Variants in MYBPC1 observed in about 807,000 individuals in gnomAD.
The protein encoded by MYBPC1 is myosin-binding protein C, slow-type.
In MYBPC1, 52 loss-of-function variants were observed where a neutral mutation model predicts 147.1. That is an observed-to-expected ratio of 0.35 (90% confidence interval 0.28 to 0.45). MYBPC1 has a LOEUF of 0.45. MYBPC1 is among the 20% of genes least tolerant of loss of function. The pLI is 1.00. For synonymous variants in MYBPC1, 477 were observed against 475.9 expected (o/e 1.00, Z -0.03); for missense variants, 1,228 against 1,440.3 (o/e 0.85, Z 2.39).
At chr12:101,675,165 T>G in intron 25 of MYBPC1, 127 bp from the exon 26 acceptor site, 1 of 1,293,216 alleles carries the variant, frequency 7.7e-7, no homozygotes, top group Non-Finnish European at 1.1e-6. Context: ...GAAGCCCCCA[T>G]GGTAGGGTCT....
In MYBPC1 at chr12:101,662,397, G is replaced by A. The variant is rs766432818; in HGVS notation, c.2072G>A (p.Trp691Ter). ...IERKKKQSSR[W>*]MRLNFDLCKE... ...AGGAAGAAGAAACAAAGCTCCAGGTGGATGAGGCTGAATTTTGATCTCTGC... is the reference window on the plus strand; with the variant it reads ...AGGAAGAAGAAACAAAGCTCCAGGTAGATGAGGCTGAATTTTGATCTCTGC... The change falls in exon 21 of 32, where the codon TGG becomes TAG. Residue 691 changes from tryptophan (W) to a stop codon, truncating the protein, a stop_gained. Transcript: ENST00000361466. LOFTEE classifies it high-confidence loss of function. The A allele has an allele frequency of 1.2e-6, 2 of 1,614,218 alleles. No homozygotes were observed. Among genetic ancestry groups the A allele is most frequent in the East Asian group, 2.2e-5 (1 of 44,894 alleles).
chr12:101,639,438 G>A lies in MYBPC1; in HGVS notation c.665+2710G>A, dbSNP rs539476405. Among the ~76,000 whole-genome samples the A allele has an allele frequency of 9.2e-5, 14 of 152,326 alleles. No homozygotes were observed. The East Asian group carries it at 2.3e-3, about 25-fold the overall frequency. ...CAGGTGCATTAAGGAAATGCTGGAG[G>A]TGAGAGCCTTGACCTCACATTTCAG... On this transcript the variant is annotated intron_variant, in intron 10 of 31. Coordinates refer to ENST00000361466, the MANE Select transcript of MYBPC1 (RefSeq NM_002465.4).
At chr12:101,614,380 TGTGAGTACACACAG>T in intron 1 of MYBPC1, 102 bp from the exon 2 acceptor site, 1 of 1,055,678 alleles carries the variant, frequency 9.5e-7, no homozygotes, top group Non-Finnish European at 1.4e-6. Context: ...CCATCCCTCT[TGTGAGTACACACAG>T]GTGAGATGGC....
At chr12:101,629,233 A>G (rs557554160) in intron 5 of MYBPC1, 3 of 594,830 alleles carry the variant, frequency 5.0e-6, no homozygotes, top group Non-Finnish European at 9.0e-6. Context: ...TTGCCCCATC[A>G]TGGAAGAGAT....
chr12:101,685,764 A>C lies in MYBPC1; in HGVS notation c.*202A>C. ...GAGAAAAAGCATTTTCTGTTTTCCC[A>C]CCAGGCCCCCAAGTGTGGTCTTTTT... On this transcript the variant is annotated 3_prime_UTR_variant, in exon 32 of 32. Coordinates refer to ENST00000361466, the MANE Select transcript of MYBPC1 (RefSeq NM_002465.4). The C allele has an allele frequency of 1.0e-6, 1 of 994,518 alleles. No homozygotes were observed. Among genetic ancestry groups the C allele is most frequent in the South Asian group, 1.7e-5 (1 of 59,640 alleles). 61.6% of individuals were successfully genotyped at this position (994,518 alleles called of 1,614,324 possible).
the MYBPC1 span, among the ~76,000 whole-genome samples, chr12:101,692,233 G>A: frequency 6.6e-6 from 1 of 152,076 alleles, no homozygotes; most frequent in Non-Finnish European, 1.5e-5. Context: ...CTTTATCAAA[G>A]GCTTCTGAAC....
At chr12:101,652,807 T>C (rs1383059692) in intron 17 of MYBPC1, 23 bp downstream of exon 17, 1 of 1,560,836 alleles carries the variant, frequency 6.4e-7, no homozygotes, top group South Asian at 1.1e-5. Context: ...AATAATTCAT[T>C]GCATAGTTGT....
At chr12:101,623,793 A>G (rs1887964641) in intron 3 of MYBPC1, among the ~76,000 whole-genome samples, 1 of 152,224 alleles carries the variant, frequency 6.6e-6, no homozygotes, top group African/African-American at 2.4e-5. Flanking sequence ...AATTAAATCT[A>G]TGGCAAGTAA....
chr12:101,623,367 C>T (rs1887875065), intron 3 of MYBPC1, among the ~76,000 whole-genome samples: 1 of 152,116 alleles, frequency 6.6e-6, no homozygotes, highest in African/African-American at 2.4e-5. Flanking sequence ...CCCAGACTGC[C>T]ATCATTACAT....
At chr12:101,635,735 A>G (rs1890855442) in intron 9 of MYBPC1, among the ~76,000 whole-genome samples, 1 of 152,226 alleles carries the variant, frequency 6.6e-6, no homozygotes, top group Admixed American at 6.5e-5. Context: ...AAAACACATT[A>G]CTGAGTTTAA....
chr12:101,685,518 T>C lies in MYBPC1; in HGVS notation c.*20-64T>C, dbSNP rs1594106831. On this transcript the variant is annotated intron_variant, in intron 31 of 31. Coordinates refer to ENST00000361466, the MANE Select transcript of MYBPC1 (RefSeq NM_002465.4). Reference sequence around the variant, plus strand: ...TTTCCAGGCAGCTAGTCAAGAAGTATTGTTTCAGCGATTTTTCAGGTAGAT... The same window carrying C: ...TTTCCAGGCAGCTAGTCAAGAAGTACTGTTTCAGCGATTTTTCAGGTAGAT... 13 of 1,122,262 alleles carry C rather than the reference T, an allele frequency of 1.2e-5. No homozygotes were observed. In the East Asian group the frequency reaches 3.1e-4, roughly 27 times the overall value. 69.5% of individuals were successfully genotyped at this position (1,122,262 alleles called of 1,614,324 possible).
intron 5 of MYBPC1, chr12:101,628,958 C>G: frequency 4.6e-6 from 1 of 216,424 alleles, no homozygotes; most frequent in South Asian, 8.2e-5. Flanking sequence ...AATACCAGGC[C>G]AGGCTTGGCT....
Position 101,685,923 on chromosome 12 carries a change from A to T in MYBPC1, c.*361A>T. ...ATCTCTGCTCACTGTATTATACTTTACAAAAATGCAAGTCATAGAATAAGC... is the reference window on the plus strand; with the variant it reads ...ATCTCTGCTCACTGTATTATACTTTTCAAAAATGCAAGTCATAGAATAAGC... On this transcript the variant is annotated 3_prime_UTR_variant, in exon 32 of 32. Transcript: ENST00000361466. 1 of 283,006 alleles carries T rather than the reference A, an allele frequency of 3.5e-6. No individual in the cohort carries two copies. The highest frequency in any genetic ancestry group is 6.5e-6 in the Non-Finnish European group (1 of 154,884). 17.5% of individuals were successfully genotyped at this position (283,006 alleles called of 1,614,324 possible).
At chr12:101,604,534 C>G (rs1000511268) in intron 1 of MYBPC1, among the ~76,000 whole-genome samples, 3 of 152,110 alleles carry the variant, frequency 2.0e-5, no homozygotes, top group African/African-American at 7.2e-5. Flanking sequence ...AACCTCAGAG[C>G]CTTATTTTTT....
chr12:101,682,206 A>T (rs1406984466), intron 29 of MYBPC1, among the ~76,000 whole-genome samples: 1 of 148,136 alleles, frequency 6.8e-6, no homozygotes, highest in Non-Finnish European at 1.5e-5. Context: ...AACAAAAACT[A>T]AAAAAAAAAG....
At chr12:101,661,686 C>T (rs1056441332) in intron 20 of MYBPC1, among the ~76,000 whole-genome samples, 4 of 151,924 alleles carry the variant, frequency 2.6e-5, no homozygotes, top group Non-Finnish European at 4.4e-5. Context: ...GCTAGGAATT[C>T]GAGACCAGTC....
intron 18 of MYBPC1, among the ~76,000 whole-genome samples, chr12:101,654,632 A>G (rs1310346545): frequency 6.6e-6 from 1 of 152,168 alleles, no homozygotes; most frequent in Non-Finnish European, 1.5e-5. Flanking sequence ...GCAGAGGAAC[A>G]CGCTCAAGTA....
intron 3 of MYBPC1, 132 bp downstream of exon 3, chr12:101,617,375 G>A: frequency 1.1e-6 from 1 of 904,446 alleles, no homozygotes; most frequent in Non-Finnish European, 1.8e-6. Flanking sequence ...CATCTTATCT[G>A]CAAGTCCCAA....
rs116568922 is a variant in MYBPC1 at position 101,667,929 on chromosome 12, T to A, written c.2524+30T>A. Reference sequence around the variant, plus strand: ...GAGACAAGGCTTTCAAAAGTTAGACTCCATTTTACATGGTTCACTTTTTTT... The same window carrying A: ...GAGACAAGGCTTTCAAAAGTTAGACACCATTTTACATGGTTCACTTTTTTT... On this transcript the variant is annotated intron_variant, in intron 23 of 31. Transcript: ENST00000361466. 2,972 of 1,608,254 alleles carry A rather than the reference T, an allele frequency of 1.8e-3. 56 individuals carry two copies. In the African/African-American group the frequency reaches 0.034, roughly 18 times the overall value.
Sources: allele counts gnomAD v4.1 joint callset (sites outside exome capture counted in the v4.1 genomes callset), GRCh38; gene constraint gnomAD v4.1.1; transcripts MANE v1.5; gene names NCBI Gene and HGNC (gene_info 2026-07-23, HGNC 2026-07-21).